Variants in CCR6 observed in about 807,000 individuals in gnomAD.
CCR6 encodes the protein C-C motif chemokine receptor 6.
A neutral mutation model predicts 3.0 loss-of-function variants in CCR6; 2 were observed. The observed-to-expected ratio is 0.66, with a 90% CI of 0.27 to 2.07. The LOEUF (loss-of-function observed/expected upper bound fraction) is 2.07. CCR6 is among the 30% of genes most tolerant of loss of function. The probability of loss-of-function intolerance (pLI) is 0.14; values close to 1 mark genes in which losing one functional copy is unlikely to be tolerated. For missense variants in CCR6, 322 were observed against 462.8 expected (o/e 0.70, Z 2.79); for synonymous variants, 193 against 184.3 (o/e 1.05, Z -0.38).
rs1554281749 is a variant in CCR6, at chr6:167,124,265, G to GA, written c.-98+1056dup. Among the ~76,000 whole-genome samples, 1,090 of 135,628 alleles carry GA rather than the reference G, an allele frequency of 8.0e-3. 9 individuals are homozygous for GA. The highest frequency in any genetic ancestry group is 0.022 in the African/African-American group (797 of 36,656). The allele number at this position is 135,628 out of a possible 152,430, so 89.0% of individuals were successfully genotyped here. A position where few individuals can be genotyped will look rare whatever the true frequency, so the allele number is the denominator to read the frequency against. ...AACTTCCAAAGAAATTAAAGGAACT[G>GA]AAAAAAAAAAAAAACCAACCCACAG... is the stretch of plus-strand genomic sequence containing the variant. On this transcript the variant is annotated intron_variant, in intron 1 of 2. Transcript: ENST00000341935.
In CCR6 at chr6:167,127,925, T is replaced by A. The variant is rs559678303; in HGVS notation, c.-98+4702T>A. On this transcript the variant is annotated intron_variant, in intron 1 of 2. Transcript: ENST00000341935. ...GGCAGAGTTCAGTTCTTTGTGACTG[T>A]AGGACTGAGATCCTCATATTCACGT... Among the ~76,000 whole-genome samples, 324 of 152,368 alleles carry A rather than the reference T, an allele frequency of 2.1e-3. 1 individual carries two copies. Among genetic ancestry groups the A allele is most frequent in the African/African-American group, 7.6e-3 (315 of 41,592 alleles).
chr6:167,130,373 C>T (rs1412729211), intron 1 of CCR6, among the ~76,000 whole-genome samples: 2 of 151,850 alleles, frequency 1.3e-5, no homozygotes, highest in East Asian at 3.8e-4. Context: ...TACTAAAAAA[C>T]TTCTTAGTGT....
At chr6:167,122,009 C>T (rs1380755827), upstream of CCR6, among the ~76,000 whole-genome samples, 1 of 152,070 alleles carries the variant, frequency 6.6e-6, no homozygotes, top group Non-Finnish European at 1.5e-5. The surrounding 1 kb of genome is among the most constrained non-coding windows in gnomAD (Gnocchi z 4.2). Flanking sequence ...TAGCTGGTTC[C>T]CCAGAGAGAT....
intron 1 of CCR6, among the ~76,000 whole-genome samples, chr6:167,127,829 G>A (rs41341846): frequency 4.2e-4 from 64 of 152,288 alleles, no homozygotes; most frequent in African/African-American, 1.5e-3. Flanking sequence ...GGGGTTCCCA[G>A]GCTTCTTTCC....
chr6:167,124,999 C>G (rs1448327737), intron 1 of CCR6, among the ~76,000 whole-genome samples: 1 of 152,106 alleles, frequency 6.6e-6, no homozygotes, highest in Non-Finnish European at 1.5e-5. Flanking sequence ...CCTATATACA[C>G]ACATGCATAC....
intron 1 of CCR6, among the ~76,000 whole-genome samples, chr6:167,124,279 A>G (rs1394311470): frequency 6.6e-6 from 1 of 151,396 alleles, no homozygotes; most frequent in Non-Finnish European, 1.5e-5. Context: ...AAAAAAAAAA[A>G]CCAACCCACA....
chr6:167,125,006 A>G (rs950556468), intron 1 of CCR6, among the ~76,000 whole-genome samples: 5 of 152,200 alleles, frequency 3.3e-5, no homozygotes, highest in Admixed American at 1.3e-4. Context: ...ACACACATGC[A>G]TACACATGCA....
chr6:167,135,398 T>C (rs1781834541), intron 1 of CCR6, among the ~76,000 whole-genome samples: 1 of 152,238 alleles, frequency 6.6e-6, no homozygotes, highest in Non-Finnish European at 1.5e-5. Flanking sequence ...GGTCTGCGGC[T>C]GTGGAGAAGC....
chr6:167,136,848 G>A lies in CCR6; in HGVS notation c.618G>A (p.Glu206=). Residue 206 remains glutamate (E), a synonymous_variant, in exon 3 of 3, where the codon GAG becomes GAA. Coordinates refer to ENST00000341935, the MANE Select transcript of CCR6 (RefSeq NM_031409.4). The surrounding 1 kb of genome is among the most constrained non-coding windows in gnomAD (Gnocchi z 4.6). ...VCEPKYQTVS[E]PIRWKLLMLG... ...AACCCAAGTACCAGACTGTCTCGGAGCCCATCAGGTGGAAGCTGCTGATGT... is the reference window on the plus strand; with the variant it reads ...AACCCAAGTACCAGACTGTCTCGGAACCCATCAGGTGGAAGCTGCTGATGT... 6.2e-7 allele frequency: 1 copy of A among 1,614,156 alleles called. No homozygotes were observed. Among genetic ancestry groups the A allele is most frequent in the South Asian group, 1.1e-5 (1 of 91,090 alleles).
At chr6:167,120,968 A>C (rs1646782937), upstream of CCR6, 1 of 152,406 alleles carries the variant, frequency 6.6e-6, no homozygotes, top group Non-Finnish European at 1.5e-5. Flanking sequence ...GGCAAAGGAC[A>C]TGAGAAACAT....
upstream of CCR6, among the ~76,000 whole-genome samples, chr6:167,118,127 G>T (rs550381018): frequency 2.0e-5 from 3 of 152,068 alleles, no homozygotes; most frequent in South Asian, 2.1e-4. Context: ...ATGCAAGACC[G>T]TTCCTGCATC....
chr6:167,133,803 C>T (rs535315908), intron 1 of CCR6, among the ~76,000 whole-genome samples: 26 of 150,850 alleles, frequency 1.7e-4, no homozygotes, highest in Non-Finnish European at 2.7e-4. Flanking sequence ...TAATTTTTGC[C>T]AACAATGTTT....
chr6:167,135,832 C>T (rs549075764), intron 1 of CCR6, among the ~76,000 whole-genome samples: 9 of 152,298 alleles, frequency 5.9e-5, no homozygotes, highest in African/African-American at 2.2e-4. Context: ...TGACAGAGAC[C>T]ATATGGCCTG....
At chr6:167,119,232 G>A (rs566220406), upstream of CCR6, 218 of 152,494 alleles carry the variant, frequency 1.4e-3, 1 homozygote, top group Middle Eastern at 0.01. Flanking sequence ...AGCCTTTCAC[G>A]AAGAGCCTGA....
Position 167,137,552 on chromosome 6 carries a change from C to A in CCR6, c.*197C>A. The A allele has an allele frequency of 1.8e-6, 1 of 550,462 alleles. No individual in the cohort carries two copies. 34.1% of individuals were successfully genotyped at this position (550,462 alleles called of 1,614,324 possible). ...GTGGTCTCTGATAGGTAGCATTTTC[C>A]AGCACTTTGCAAGGAATGTTTTGTA... On this transcript the variant is annotated 3_prime_UTR_variant, in exon 3 of 3. Transcript: ENST00000341935. This position sits in a 1 kb window ranked among gnomAD's most constrained non-coding sequence, Gnocchi z 4.6.
intron 1 of CCR6, among the ~76,000 whole-genome samples, chr6:167,114,156 A>T (rs9347175): frequency 0.46 from 69,702 of 151,820 alleles, 16,181 homozygotes; most frequent in Admixed American, 0.53. Context: ...GTGTAGGAGG[A>T]CTCTCCGGCA....
chr6:167,116,707 A>C, intron 1 of CCR6: 2 of 150,778 alleles, frequency 1.3e-5, no homozygotes, highest in Non-Finnish European at 1.5e-5. Flanking sequence ...CGCCTATGCC[A>C]CCCCCTAGCA....
Position 167,137,169 on chromosome 6 carries a change from T to A in CCR6, c.939T>A (p.Pro313=). 1 of 1,614,180 alleles carries A rather than the reference T, an allele frequency of 6.2e-7. No homozygotes were observed. The highest frequency in any genetic ancestry group is 8.5e-7 in the Non-Finnish European group (1 of 1,180,010). Reference sequence around the variant, plus strand: ...CTTTCCTGCACTGCTGCCTGAACCCTGTGCTCTACGCTTTTATTGGGCAGA... The same window carrying A: ...CTTTCCTGCACTGCTGCCTGAACCCAGTGCTCTACGCTTTTATTGGGCAGA... The part of the protein sequence containing the change: ...VLAFLHCCLN[P]VLYAFIGQKF... The change falls in exon 3 of 3, where the codon CCT becomes CCA. Residue 313 remains proline, a synonymous_variant. Coordinates refer to ENST00000341935, the MANE Select transcript of CCR6 (RefSeq NM_031409.4). The surrounding 1 kb of genome is among the most constrained non-coding windows in gnomAD (Gnocchi z 4.6).
At chr6:167,117,944 G>GTTTTTTTT (rs34732907), upstream of CCR6, among the ~76,000 whole-genome samples, 2 of 139,352 alleles carry the variant, frequency 1.4e-5, no homozygotes, top group Non-Finnish European at 3.1e-5. Context: ...GCACTTTTCT[G>GTTTTTTTT]TTTTTTTTTT....
Sources: allele counts gnomAD v4.1 joint callset (sites outside exome capture counted in the v4.1 genomes callset), GRCh38; gene constraint gnomAD v4.1.1; non-coding constraint Gnocchi (gnomAD v3.1); transcripts MANE v1.5; gene names NCBI Gene and HGNC (gene_info 2026-07-23, HGNC 2026-07-21).